PDE3A: variants seen among roughly 807,000 people sequenced by gnomAD.
PDE3A encodes the protein phosphodiesterase 3A.
PDE3A carries 43 observed loss-of-function variants against 98.3 expected under a neutral mutation model. That is an observed-to-expected ratio of 0.44 (90% CI 0.34 to 0.56). The LOEUF is 0.56. Ranked by LOEUF, PDE3A falls within the 20% of genes least tolerant of loss-of-function variation. The probability of loss-of-function intolerance (pLI) is 0.01; values close to 1 mark genes in which losing one functional copy is unlikely to be tolerated. For synonymous variants in PDE3A, 663 were observed against 567.9 expected, an observed-to-expected ratio of 1.17 and a Z score of -2.38; for missense variants, 1,427 against 1,440.7, an observed-to-expected ratio of 0.99 and a Z score of 0.15.
chr12:20,568,916 G>T (rs1234755103), intron 2 of PDE3A, among the ~76,000 whole-genome samples: 1 of 151,884 alleles, frequency 6.6e-6, no homozygotes, highest in African/African-American at 2.4e-5. Context: ...AAGCAAAATT[G>T]GTTGATTTTA....
At chr12:20,618,178 G>A (rs1431404942) in intron 4 of PDE3A, among the ~76,000 whole-genome samples, 1 of 152,074 alleles carries the variant, frequency 6.6e-6, no homozygotes, top group Non-Finnish European at 1.5e-5. Flanking sequence ...TCATCATTGT[G>A]AAGAAAGGAA....
intron 7 of PDE3A, among the ~76,000 whole-genome samples, chr12:20,634,275 G>T (rs35607930): frequency 0.1 from 15,325 of 152,000 alleles, 1,012 homozygotes; most frequent in East Asian, 0.14. Context: ...CTTCCTTCAG[G>T]CACCTTAGTC....
rs777025679 is a variant in PDE3A at position 20,613,483 on chromosome 12, G to T, written c.1052G>T (p.Gly351Val). The T allele has an allele frequency of 3.1e-6, 5 of 1,613,830 alleles. No homozygotes were observed. The highest frequency in any genetic ancestry group is 3.3e-5 in the Admixed American group (2 of 60,028). ...ATTACTGTGGACATCGCCGTCATGG[G>T]CGAGGCCCACGGCCTCATTACCGAC... ...TSITVDIAVM[G>V]EAHGLITDLL... Residue 351 changes from glycine to valine, a missense_variant, in exon 3 of 16, where the codon GGC becomes GTC. By Grantham distance (109) the Gly-to-Val change is moderately radical. Around this residue, in one of 3 missense-constraint regions of PDE3A, gnomAD observed 1,012 missense variants for 886.5 expected, o/e 1.14. Transcript: ENST00000359062.
At chr12:20,551,521 G>T in intron 1 of PDE3A, 3 of 1,111,642 alleles carry the variant, frequency 2.7e-6, no homozygotes, top group Non-Finnish European at 3.9e-6. Flanking sequence ...GGTTAATTCC[G>T]ATAACGAACG....
chr12:20,524,822 A>G (rs1197665499), intron 1 of PDE3A, among the ~76,000 whole-genome samples: 1 of 151,980 alleles, frequency 6.6e-6, no homozygotes, highest in East Asian at 1.9e-4. Flanking sequence ...ACCTCTGTGC[A>G]CTACCCTCTT....
rs113118190 is a variant in PDE3A, at chr12:20,552,420, G to A, written c.961-4240G>A. On this transcript the variant is annotated intron_variant, in intron 1 of 15. Transcript: ENST00000359062. The surrounding 1 kb of genome is among the most constrained non-coding windows in gnomAD (Gnocchi z 5.1). ...CTTGGACGAAGGAGGGGAAGGACCG[G>A]ATCAAGAAGCTGGGGCTGACCATGC... 2.1e-5 allele frequency: 34 copies of A among 1,612,916 alleles called. No individual in the cohort carries two copies. Among genetic ancestry groups the A allele is most frequent in the Non-Finnish European group, 2.9e-5 (34 of 1,179,806 alleles).
intron 15 of PDE3A, among the ~76,000 whole-genome samples, chr12:20,665,768 T>A (rs140258606): frequency 6.6e-6 from 1 of 152,136 alleles, no homozygotes; most frequent in Non-Finnish European, 1.5e-5. Context: ...CAAGTAGGCA[T>A]AGAGTGCTCT....
chr12:20,402,008 T>C (rs1944141206), intron 1 of PDE3A, among the ~76,000 whole-genome samples: 1 of 152,178 alleles, frequency 6.6e-6, no homozygotes, highest in Non-Finnish European at 1.5e-5. Flanking sequence ...CCCCAGTTGA[T>C]GAATGGTACT....
In PDE3A at chr12:20,605,472, A is replaced by G. The variant is rs569307131; in HGVS notation, c.1012-7971A>G. Among the ~76,000 whole-genome samples the G allele has an allele frequency of 2.6e-5, 4 of 152,164 alleles. No homozygotes were observed. The East Asian group carries it at 7.7e-4, about 29-fold the overall frequency. On this transcript the variant is annotated intron_variant, in intron 2 of 15. Coordinates refer to ENST00000359062, the MANE Select transcript of PDE3A (RefSeq NM_000921.5). The stretch of plus-strand genomic sequence containing the variant: ...ATGTAAAATGCTTAAAGATGCCAAG[A>G]TGTAATTTTAAAATCTTTTTCTTTT...
chr12:20,568,065 C>A (rs1942705069), intron 2 of PDE3A, among the ~76,000 whole-genome samples: 1 of 151,820 alleles, frequency 6.6e-6, no homozygotes, highest in South Asian at 2.1e-4. Context: ...CTGGTAATAT[C>A]TTCTTTAAAT....
intron 10 of PDE3A, among the ~76,000 whole-genome samples, chr12:20,644,864 C>G (rs559713561): frequency 3.5e-5 from 5 of 144,600 alleles, no homozygotes; most frequent in African/African-American, 5.1e-5. Flanking sequence ...CCTCCTCCCC[C>G]TCTTCCCCCT....
At chr12:20,473,777 G>A (rs1292438642) in intron 1 of PDE3A, among the ~76,000 whole-genome samples, 1 of 151,724 alleles carries the variant, frequency 6.6e-6, no homozygotes, top group Non-Finnish European at 1.5e-5. Flanking sequence ...ATTCAGGTTT[G>A]TTTTTGAGAT....
At chr12:20,670,115 T>G (rs57188928) in intron 15 of PDE3A, among the ~76,000 whole-genome samples, 1 of 149,752 alleles carries the variant, frequency 6.7e-6, no homozygotes, top group Non-Finnish European at 1.5e-5. Flanking sequence ...CATTACATAA[T>G]GGTAAAGGGA....
intron 2 of PDE3A, among the ~76,000 whole-genome samples, chr12:20,611,886 T>C (rs1943863882): frequency 6.7e-6 from 1 of 149,804 alleles, no homozygotes; most frequent in South Asian, 2.1e-4. Flanking sequence ...ATAATACAGA[T>C]ATAATGAAAT....
chr12:20,679,527 C>A (rs1379841671), intron 15 of PDE3A, among the ~76,000 whole-genome samples: 1 of 152,130 alleles, frequency 6.6e-6, no homozygotes, highest in South Asian at 2.1e-4. Context: ...GATTCACAGA[C>A]GTGAGCCACT....
chr12:20,475,307 C>A (rs547920441), intron 1 of PDE3A, among the ~76,000 whole-genome samples: 1 of 151,820 alleles, frequency 6.6e-6, no homozygotes, highest in Non-Finnish European at 1.5e-5. Flanking sequence ...CTACTGCCTT[C>A]GGTTAGCTCA....
In PDE3A at chr12:20,552,241, A is replaced by G; in HGVS notation, c.961-4419A>G. The G allele has an allele frequency of 6.2e-7, 1 of 1,613,936 alleles. No homozygotes were observed. Among genetic ancestry groups the G allele is most frequent in the South Asian group, 1.1e-5 (1 of 91,076 alleles). On this transcript the variant is annotated intron_variant, in intron 1 of 15. Coordinates refer to ENST00000359062, the MANE Select transcript of PDE3A (RefSeq NM_000921.5). The surrounding 1 kb of genome is among the most constrained non-coding windows in gnomAD (Gnocchi z 5.1). ...GGGGAAGCCGGTCAGGGTGGTGCGC[A>G]ATGTCAAGGGTGGCAAGAATAGCAA... is the stretch of plus-strand genomic sequence containing the variant.
chr12:20,451,067 C>T (rs1010838877), intron 1 of PDE3A, among the ~76,000 whole-genome samples: 5 of 152,214 alleles, frequency 3.3e-5, no homozygotes, highest in African/African-American at 1.2e-4. Context: ...CTAGTAGTTA[C>T]CTTTTAATCC....
At chr12:20,542,801 C>A (rs1420596150) in intron 1 of PDE3A, among the ~76,000 whole-genome samples, 2 of 151,858 alleles carry the variant, frequency 1.3e-5, no homozygotes, top group South Asian at 2.1e-4. Flanking sequence ...TGAAGTTGTG[C>A]CAGTGGGTTC....
Sources: allele counts gnomAD v4.1 joint callset (sites outside exome capture counted in the v4.1 genomes callset), GRCh38; gene constraint gnomAD v4.1.1; regional missense constraint gnomAD v4.1.1; non-coding constraint Gnocchi (gnomAD v3.1); transcripts MANE v1.5; gene names NCBI Gene and HGNC (gene_info 2026-07-23, HGNC 2026-07-21).